The following NPIPB15 variants were observed in gnomAD, a reference collection of about 807,000 sequenced individuals.
NPIPB15 encodes nuclear pore complex interacting protein family member B15, also known as nuclear pore complex-interacting protein family member B15.
In NPIPB15, 5 loss-of-function variants were observed where a neutral mutation model predicts 35.9. The observed-to-expected ratio is 0.14, with a 90% CI of 0.07 to 0.29. NPIPB15 has a LOEUF of 0.29. Ranked by LOEUF, NPIPB15 falls within the 10% of genes least tolerant of loss-of-function variation. The probability of loss-of-function intolerance (pLI) is 1.00; values close to 1 mark genes in which losing one functional copy is unlikely to be tolerated. For missense variants in NPIPB15, 100 were observed against 506.1 expected, an observed-to-expected ratio of 0.20 and a Z score of 7.70; for synonymous variants, 43 against 182.0, an observed-to-expected ratio of 0.24 and a Z score of 6.15.
At chr16:74,384,866 A>G (rs1300701285) in intron 3 of NPIPB15, among the ~76,000 whole-genome samples, 1 of 151,422 alleles carries the variant, frequency 6.6e-6, no homozygotes, top group Admixed American at 6.6e-5. Context: ...TTTTTAGCAG[A>G]GACAGCATTT....
At chr16:74,380,621 C>T (rs200665437) in intron 2 of NPIPB15, among the ~76,000 whole-genome samples, 17,156 of 142,508 alleles carry the variant, frequency 0.12, 247 homozygotes, top group Admixed American at 0.2. Context: ...GTCAGGAGTT[C>T]GAGACCACCC....
At chr16:74,384,776 G>C (rs1224123700) in intron 3 of NPIPB15, among the ~76,000 whole-genome samples, 1 of 145,950 alleles carries the variant, frequency 6.9e-6, no homozygotes, top group Non-Finnish European at 1.5e-5. Flanking sequence ...TTTCCTGCTG[G>C]GTTCAAGTGA....
chr16:74,381,135 G>A (rs538137844), intron 2 of NPIPB15, among the ~76,000 whole-genome samples: 7 of 118,802 alleles, frequency 5.9e-5, no homozygotes, highest in East Asian at 5.0e-4. Flanking sequence ...TGAGTGGAGC[G>A]GAACTCTGTC....
At chr16:74,384,755 C>T (rs1163964344) in intron 3 of NPIPB15, among the ~76,000 whole-genome samples, 2 of 141,330 alleles carry the variant, frequency 1.4e-5, no homozygotes, top group African/African-American at 5.2e-5. Context: ...AATCTCAGCT[C>T]ACCACAACCT....
At position 74,376,586 on chromosome 16, in the gene NPIPB15, G is replaced by C. The variant is rs1191208196; in HGVS notation, c.-783G>C. 6.6e-6 allele frequency among the ~76,000 whole-genome samples: 1 copy of C among 151,780 alleles called. No homozygotes were observed. The highest frequency in any genetic ancestry group is 1.5e-5 in the Non-Finnish European group (1 of 67,998). ...CGTCCCTGAGAGGTCAATGATGAAG[G>C]TCAACTTGGTTTTCTCCCCCTCATT... On this transcript the variant is annotated 5_prime_UTR_variant, in exon 1 of 8. Transcript: ENST00000692376.
chr16:74,382,591 T>C (rs1469372285), intron 3 of NPIPB15, among the ~76,000 whole-genome samples: 2 of 152,290 alleles, frequency 1.3e-5, no homozygotes, highest in East Asian at 3.8e-4. Context: ...TGAGCCTTTT[T>C]TCCTTTGGGT....
chr16:74,382,511 A>G (rs2012043546), intron 3 of NPIPB15, among the ~76,000 whole-genome samples: 1 of 152,258 alleles, frequency 6.6e-6, no homozygotes. Context: ...GCAACTGGAA[A>G]GAGATCAGTA....
intron 2 of NPIPB15, among the ~76,000 whole-genome samples, chr16:74,379,439 G>A (rs1489105194): frequency 0.032 from 4,753 of 149,776 alleles, 97 homozygotes; most frequent in African/African-American, 0.12. Context: ...CTGAGGAATC[G>A]ATGTAGAAAT....
chr16:74,383,729 A>C (rs1369778320), intron 3 of NPIPB15, among the ~76,000 whole-genome samples: 1 of 151,258 alleles, frequency 6.6e-6, no homozygotes, highest in Non-Finnish European at 1.5e-5. Context: ...CAGATGGGCC[A>C]ACATGGTGAA....
intron 2 of NPIPB15, among the ~76,000 whole-genome samples, chr16:74,378,385 G>A (rs1199150365): frequency 7.1e-6 from 1 of 140,794 alleles, no homozygotes; most frequent in Non-Finnish European, 1.5e-5. Context: ...CCAAAACAAA[G>A]TGAAATGTCA....
At chr16:74,381,360 T>C (rs1447752573) in intron 2 of NPIPB15, 156 bp from the exon 3 acceptor site, 2 of 876,776 alleles carry the variant, frequency 2.3e-6, no homozygotes, top group African/African-American at 3.5e-5. Flanking sequence ...GACTTCTAAC[T>C]TCTGTTCTTT....
In NPIPB15 at chr16:74,391,549, C is replaced by G; in HGVS notation, c.801C>G (p.Pro267=). The G allele has an allele frequency of 1.2e-6, 2 of 1,608,344 alleles. No homozygotes were observed. Among genetic ancestry groups the G allele is most frequent in the Non-Finnish European group, 1.7e-6 (2 of 1,177,564 alleles). The change falls in exon 8 of 8, where the codon CCC becomes CCG. Residue 267 remains proline (P), a synonymous_variant. Coordinates refer to ENST00000692376, the MANE Select transcript of NPIPB15 (RefSeq NM_001306094.2). The part of the protein sequence containing the change: ...TDNSLSLKTP[P]ECLLHPLPPS... The stretch of plus-strand genomic sequence containing the variant: ...ACTCCCTGAGCCTCAAGACACCTCC[C>G]GAATGTCTCCTTCATCCCCTTCCAC...
intron 3 of NPIPB15, among the ~76,000 whole-genome samples, chr16:74,382,796 G>A (rs2012062143): frequency 6.6e-6 from 1 of 151,208 alleles, no homozygotes; most frequent in African/African-American, 2.4e-5. Context: ...TGCCTTTCAA[G>A]ATATGTAGAA....
chr16:74,381,027 C>T (rs2011960971), intron 2 of NPIPB15, among the ~76,000 whole-genome samples: 1 of 147,978 alleles, frequency 6.8e-6, no homozygotes, highest in Non-Finnish European at 1.5e-5. Flanking sequence ...CCTGTAATCT[C>T]AGCTACTCGG....
In NPIPB15 at chr16:74,378,903, C is replaced by T. The variant is rs1301227041; in HGVS notation, c.66+864C>T. Among the ~76,000 whole-genome samples the T allele has an allele frequency of 7.2e-5, 11 of 152,074 alleles. No individual in the cohort carries two copies. The East Asian group carries it at 9.7e-4, about 13-fold the overall frequency. ...GCAACCGCTGCTTCCCAGGTTCGAG[C>T]GATTCTCCTGCCTCAGCCTCCCGAG... On this transcript the variant is annotated intron_variant, in intron 2 of 7. Transcript: ENST00000692376.
chr16:74,381,105 T>G (rs1449037386), intron 2 of NPIPB15, among the ~76,000 whole-genome samples: 1 of 134,922 alleles, frequency 7.4e-6, no homozygotes, highest in African/African-American at 2.9e-5. Context: ...ATTGCACCAC[T>G]GCACTCCAGC....
At chr16:74,378,423 CTTTTTTT>C (rs1002146100) in intron 2 of NPIPB15, among the ~76,000 whole-genome samples, 5 of 86,124 alleles carry the variant, frequency 5.8e-5, no homozygotes, top group South Asian at 9.4e-4. Flanking sequence ...GGTTTGATGC[CTTTTTTT>C]TTTTTTTTTT....
chr16:74,383,957 T>C (rs1336517841), intron 3 of NPIPB15, among the ~76,000 whole-genome samples: 2 of 144,420 alleles, frequency 1.4e-5, no homozygotes, highest in African/African-American at 2.5e-5. Context: ...GATTCATAGG[T>C]ATCTGACCCA....
At chr16:74,381,367 C>T (rs2011979934) in intron 2 of NPIPB15, 149 bp from the exon 3 acceptor site, 1 of 931,790 alleles carries the variant, frequency 1.1e-6, no homozygotes, top group African/African-American at 1.7e-5. Context: ...AACTTCTGTT[C>T]TTTTTTGTAG....
Sources: gnomAD v4.1 joint callset for allele counts (sites outside exome capture counted in the v4.1 genomes callset) on GRCh38, gnomAD v4.1.1 for gene constraint, MANE v1.5 for transcripts, NCBI Gene and HGNC (gene_info 2026-07-23, HGNC 2026-07-21) for gene names.